ADCYAP1R1: variants seen among roughly 807,000 people sequenced by gnomAD.
ADCYAP1R1 encodes ADCYAP receptor type I.
ADCYAP1R1 carries 44 observed loss-of-function variants against 67.6 expected under a neutral mutation model. The ratio of observed to expected loss-of-function variants is 0.65; its 90% confidence interval spans 0.51 to 0.84. The LOEUF is 0.84. Ranked by LOEUF, ADCYAP1R1 falls within the 40% of genes least tolerant of loss-of-function variation. The pLI is 0.00. For missense variants in ADCYAP1R1, 477 were observed against 587.9 expected (o/e 0.81, Z 1.95); for synonymous variants, 222 against 219.6 (o/e 1.01, Z -0.10).
intron 13 of ADCYAP1R1, 51 bp downstream of exon 13, chr7:31,092,786 C>A: frequency 7.0e-7 from 1 of 1,436,012 alleles, no homozygotes; most frequent in Non-Finnish European, 9.7e-7. Flanking sequence ...CCGAGCGGGC[C>A]CTGCATTCAG....
At chr7:31,071,005 T>C (rs1393509813) in intron 3 of ADCYAP1R1, among the ~76,000 whole-genome samples, 1 of 152,154 alleles carries the variant, frequency 6.6e-6, no homozygotes, top group African/African-American at 2.4e-5. Context: ...TAAAGTAAAT[T>C]TCGGTAAATT....
intron 13 of ADCYAP1R1, among the ~76,000 whole-genome samples, chr7:31,099,294 C>T (rs972535372): frequency 6.6e-6 from 1 of 152,236 alleles, no homozygotes; most frequent in African/African-American, 2.4e-5. Flanking sequence ...TCCAGCCCAA[C>T]ACTGTCCCCT....
chr7:31,095,603 G>A, intron 13 of ADCYAP1R1: 1 of 716,130 alleles, frequency 1.4e-6, no homozygotes, highest in Non-Finnish European at 2.6e-6. Context: ...AGTTATGTGT[G>A]GGGCCAAGAA....
chr7:31,094,891 A>G (rs1796126952), intron 13 of ADCYAP1R1, among the ~76,000 whole-genome samples: 1 of 151,852 alleles, frequency 6.6e-6, no homozygotes. Flanking sequence ...TTGCAATCTC[A>G]GCAAATCTTT....
At position 31,062,007 on chromosome 7, in the gene ADCYAP1R1, G is replaced by A. The variant is rs187523510; in HGVS notation, c.-71-1187G>A. 5.9e-5 allele frequency among the ~76,000 whole-genome samples: 9 copies of A among 152,220 alleles called. No homozygotes were observed. In the East Asian group the frequency reaches 7.7e-4, roughly 13 times the overall value. On this transcript the variant is annotated intron_variant, in intron 1 of 15. Transcript: ENST00000304166. ...TAATTTTTAAATAACCATAACCATC[G>A]TACAGCTGAACTGGAGCCTATTTAG...
chr7:31,088,098 T>A (rs988789636), intron 12 of ADCYAP1R1, among the ~76,000 whole-genome samples: 1 of 152,248 alleles, frequency 6.6e-6, no homozygotes, highest in Non-Finnish European at 1.5e-5. Context: ...TTGTCTACGC[T>A]TAATCAATAA....
intron 13 of ADCYAP1R1, among the ~76,000 whole-genome samples, chr7:31,093,423 A>T (rs1364250227): frequency 6.6e-6 from 1 of 152,096 alleles, no homozygotes; most frequent in Admixed American, 6.5e-5. Context: ...TCATGTCCCT[A>T]ACAGCCTATC....
chr7:31,089,559 C>T (rs547742564), intron 12 of ADCYAP1R1, among the ~76,000 whole-genome samples: 11 of 152,004 alleles, frequency 7.2e-5, no homozygotes, highest in Admixed American at 3.3e-4. Context: ...TGAGCAGTGC[C>T]GCAATGAATA....
At chr7:31,077,203 C>T (rs1019911295) in intron 3 of ADCYAP1R1, among the ~76,000 whole-genome samples, 3 of 152,220 alleles carry the variant, frequency 2.0e-5, no homozygotes, top group Non-Finnish European at 2.9e-5. Context: ...GCTTGTAAGC[C>T]GTGGAGCACA....
At chr7:31,105,741 G>C (rs1445719703) in intron 15 of ADCYAP1R1, among the ~76,000 whole-genome samples, 1 of 152,232 alleles carries the variant, frequency 6.6e-6, no homozygotes, top group Non-Finnish European at 1.5e-5. Flanking sequence ...AAAGGGCCCT[G>C]CAGGTAGTGG....
intron 1 of ADCYAP1R1, among the ~76,000 whole-genome samples, chr7:31,058,804 G>A (rs1002672792): frequency 1.3e-5 from 2 of 152,180 alleles, no homozygotes; most frequent in African/African-American, 2.4e-5. Flanking sequence ...GAGGGCAGTG[G>A]AAGCATAGGG....
At chr7:31,066,274 G>A (rs531069634) in intron 3 of ADCYAP1R1, among the ~76,000 whole-genome samples, 9 of 152,328 alleles carry the variant, frequency 5.9e-5, no homozygotes, top group South Asian at 4.1e-4. Context: ...CCTGCATTGC[G>A]TGTCTCAGAT....
At chr7:31,093,377 C>T (rs1039242712) in intron 13 of ADCYAP1R1, among the ~76,000 whole-genome samples, 37 of 152,214 alleles carry the variant, frequency 2.4e-4, no homozygotes, top group Non-Finnish European at 2.5e-4. Context: ...TTCTCCACTT[C>T]CATGGCCACT....
chr7:31,074,679 C>G (rs970625678), intron 3 of ADCYAP1R1, among the ~76,000 whole-genome samples: 5 of 152,208 alleles, frequency 3.3e-5, no homozygotes, highest in African/African-American at 1.2e-4. Flanking sequence ...CTGCTGTAGC[C>G]AAAGATGTGC....
chr7:31,078,159 C>G (rs967834773), intron 4 of ADCYAP1R1, 61 bp downstream of exon 4: 62 of 1,407,142 alleles, frequency 4.4e-5, no homozygotes, highest in Non-Finnish European at 5.3e-5. Flanking sequence ...AATTCGGCCC[C>G]AGGCAAGCAC....
At chr7:31,060,978 G>A (rs1794477466) in intron 1 of ADCYAP1R1, among the ~76,000 whole-genome samples, 1 of 152,236 alleles carries the variant, frequency 6.6e-6, no homozygotes, top group African/African-American at 2.4e-5. Context: ...CGGGGTAGTT[G>A]TGGAAAGCTC....
At chr7:31,095,544 G>A in intron 13 of ADCYAP1R1, 1 of 698,460 alleles carries the variant, frequency 1.4e-6, no homozygotes, top group Admixed American at 2.0e-5. Context: ...GCAGTGAATG[G>A]GGGGAGAGGG....
At chr7:31,060,744 C>T (rs2128614969) in intron 1 of ADCYAP1R1, among the ~76,000 whole-genome samples, 2 of 152,244 alleles carry the variant, frequency 1.3e-5, no homozygotes, top group African/African-American at 4.8e-5. Flanking sequence ...CAGAAATCCA[C>T]CAGTCCTCAA....
intron 2 of ADCYAP1R1, 101 bp from the exon 3 acceptor site, chr7:31,064,730 C>G (rs993314771): frequency 6.2e-5 from 57 of 916,342 alleles, no homozygotes; most frequent in Non-Finnish European, 9.0e-5. Context: ...TCTGCTTCTG[C>G]TCCCCACTCC....
Sources: allele counts gnomAD v4.1 joint callset (sites outside exome capture counted in the v4.1 genomes callset), GRCh38; gene constraint gnomAD v4.1.1; transcripts MANE v1.5; gene names NCBI Gene and HGNC (gene_info 2026-07-23, HGNC 2026-07-21).